Variants in RUFY3 observed in about 807,000 individuals in gnomAD.
The protein encoded by RUFY3 is protein RUFY3.
Under a neutral mutation model 84.0 loss-of-function variants are expected in RUFY3, and 34 were observed. The ratio of observed to expected loss-of-function variants is 0.40; its 90% CI spans 0.31 to 0.54. RUFY3 has a LOEUF of 0.54. Ranked by LOEUF, RUFY3 falls within the 20% of genes least tolerant of loss-of-function variation. RUFY3 has a pLI of 0.39. For missense variants in RUFY3, 507 were observed against 736.8 expected (o/e 0.69, Z 3.61); for synonymous variants, 242 against 252.9 (o/e 0.96, Z 0.41).
chr4:70,708,200 T>C (rs562022992), intron 1 of RUFY3, among the ~76,000 whole-genome samples: 212 of 152,296 alleles, frequency 1.4e-3, no homozygotes, highest in Non-Finnish European at 2.6e-3. Flanking sequence ...TTTGAGACAG[T>C]CTCACTCTGT....
rs1489056384 is a variant in RUFY3 at position 70,768,519 on chromosome 4, C to G, written c.573-19C>G. The G allele has an allele frequency of 3.7e-6, 6 of 1,605,264 alleles. No individual in the cohort carries two copies. In the Admixed American group the frequency reaches 1.0e-4, roughly 28 times the overall value. On this transcript the variant is annotated intron_variant, in intron 4 of 17. Transcript: ENST00000381006. The stretch of plus-strand genomic sequence containing the variant: ...GAGATTTTTGTTACAATAAGGAATT[C>G]TGTGGATTTCTCTTACAGTGAATTC...
At chr4:70,750,357 A>G (rs1722928715) in intron 1 of RUFY3, among the ~76,000 whole-genome samples, 1 of 152,218 alleles carries the variant, frequency 6.6e-6, no homozygotes, top group African/African-American at 2.4e-5. Flanking sequence ...CTTCAGTGTC[A>G]GAGCTAACAA....
chr4:70,709,324 A>T (rs1339529359), intron 1 of RUFY3, among the ~76,000 whole-genome samples: 2 of 152,230 alleles, frequency 1.3e-5, no homozygotes, highest in Admixed American at 1.3e-4. Flanking sequence ...TTATAAATGT[A>T]CAAGTAATAC....
At chr4:70,718,289 A>C (rs1336610958), upstream of RUFY3, among the ~76,000 whole-genome samples, 3 of 152,208 alleles carry the variant, frequency 2.0e-5, no homozygotes, top group Non-Finnish European at 4.4e-5. Flanking sequence ...TGAGCCTGTC[A>C]AGTTAACCTT....
rs1742440052 is a variant in RUFY3, at chr4:70,722,520, TGTGTGTGA to T, written c.-46_-39del. 7.2e-6 allele frequency: 11 copies of T among 1,528,534 alleles called. No individual in the cohort carries two copies. The highest frequency in any genetic ancestry group is 1.8e-5 in the Admixed American group (1 of 54,526). 94.7% of individuals were successfully genotyped at this position (1,528,534 alleles called of 1,614,324 possible). On this transcript the variant is annotated 5_prime_UTR_variant, in exon 1 of 18. Coordinates refer to ENST00000381006, the MANE Select transcript of RUFY3 (RefSeq NM_001037442.4). ...AGGTTGTATTTATTTTTTTGGTGTGTGTGTGTGAGTGTGTGTGTGTCTGTGTGTGTGTT... is the reference window on the plus strand; with the variant it reads ...AGGTTGTATTTATTTTTTTGGTGTGTGTGTGTGTGTGTCTGTGTGTGTGTT...
At chr4:70,751,742 G>T (rs1290574702) in intron 1 of RUFY3, among the ~76,000 whole-genome samples, 1 of 151,986 alleles carries the variant, frequency 6.6e-6, no homozygotes, top group East Asian at 1.9e-4. Context: ...TTTTATTTTT[G>T]ATGAAGTCCA....
At chr4:70,800,609 C>T (rs574267174) in intron 15 of RUFY3, among the ~76,000 whole-genome samples, 92 of 152,290 alleles carry the variant, frequency 6.0e-4, no homozygotes, top group African/African-American at 1.9e-3. Context: ...AGTGGCTGGG[C>T]GCAGTGGCTC....
intron 1 of RUFY3, among the ~76,000 whole-genome samples, chr4:70,707,214 C>A (rs1035592314): frequency 2.0e-5 from 3 of 152,242 alleles, no homozygotes; most frequent in African/African-American, 7.2e-5. Context: ...GCTAAAGTTT[C>A]ATGAGCGTGA....
intron 8 of RUFY3, among the ~76,000 whole-genome samples, chr4:70,778,807 T>C (rs1728416344): frequency 6.6e-6 from 1 of 152,082 alleles, no homozygotes; most frequent in Admixed American, 6.6e-5. Context: ...CTTGAACTCC[T>C]GACCTCAGGT....
intron 8 of RUFY3, among the ~76,000 whole-genome samples, chr4:70,782,028 G>C (rs1255570665): frequency 6.6e-6 from 1 of 152,096 alleles, no homozygotes; most frequent in Non-Finnish European, 1.5e-5. Context: ...TCTCCTCAAT[G>C]CTTAATGGGA....
At chr4:70,791,014 A>AT (rs1730722724) in intron 12 of RUFY3, among the ~76,000 whole-genome samples, 1 of 152,152 alleles carries the variant, frequency 6.6e-6, no homozygotes, top group Admixed American at 6.6e-5. Flanking sequence ...TAACAAAATG[A>AT]TTTTACTGTT....
intron 1 of RUFY3, among the ~76,000 whole-genome samples, chr4:70,743,665 T>C (rs1259929366): frequency 6.6e-6 from 1 of 152,114 alleles, no homozygotes; most frequent in Non-Finnish European, 1.5e-5. Flanking sequence ...ACTTTAACAG[T>C]ATAGTACATA....
At chr4:70,760,547 C>T (rs922388035) in intron 1 of RUFY3, among the ~76,000 whole-genome samples, 1 of 150,662 alleles carries the variant, frequency 6.6e-6, no homozygotes, top group Non-Finnish European at 1.5e-5. Context: ...ACCCACACCC[C>T]AGCTCTATTT....
intron 1 of RUFY3, among the ~76,000 whole-genome samples, chr4:70,706,320 C>T (rs1329597101): frequency 1.3e-5 from 2 of 152,128 alleles, no homozygotes; most frequent in African/African-American, 4.8e-5. Flanking sequence ...AGCACAAGTA[C>T]AAATCTTTTA....
chr4:70,787,985 G>T (rs547451059), intron 10 of RUFY3, among the ~76,000 whole-genome samples: 2 of 152,170 alleles, frequency 1.3e-5, no homozygotes, highest in East Asian at 3.9e-4. Flanking sequence ...CATGTTAAGT[G>T]AACTAAAAAT....
chr4:70,788,004 C>T (rs986794319), intron 10 of RUFY3, among the ~76,000 whole-genome samples: 4 of 151,934 alleles, frequency 2.6e-5, no homozygotes, highest in South Asian at 2.1e-4. Flanking sequence ...ATTCTGTTAG[C>T]GGCCGAGTGT....
intron 1 of RUFY3, among the ~76,000 whole-genome samples, chr4:70,733,157 AG>A (rs1560464295): frequency 2.2e-3 from 322 of 147,520 alleles, no homozygotes; most frequent in African/African-American, 8.1e-3. Flanking sequence ...AGAGAGAGAG[AG>A]AGAGAGAGAA....
At chr4:70,704,876 C>T (rs1036811230) in exon 1 of RUFY3, 1 of 1,120,786 alleles carries the variant, frequency 8.9e-7, no homozygotes, top group African/African-American at 1.6e-5. Context: ...CGCCCTGACC[C>T]TCTGCTCCCC....
chr4:70,724,303 A>G (rs1717870117), intron 1 of RUFY3, among the ~76,000 whole-genome samples: 1 of 152,198 alleles, frequency 6.6e-6, no homozygotes, highest in African/African-American at 2.4e-5. Flanking sequence ...TTTTGTTTGA[A>G]AAAAATGTAT....
Sources: allele counts gnomAD v4.1 joint callset (sites outside exome capture counted in the v4.1 genomes callset), GRCh38; gene constraint gnomAD v4.1.1; transcripts MANE v1.5; gene names NCBI Gene and HGNC (gene_info 2026-07-23, HGNC 2026-07-21).